TBL1Y: variants seen among roughly 807,000 people sequenced by gnomAD.
The protein encoded by TBL1Y is transducin beta like 1 Y-linked, also known as F-box-like/WD repeat-containing protein TBL1Y.
A neutral mutation model predicts 12.0 loss-of-function variants in TBL1Y; 15 were observed. The observed-to-expected ratio is 1.25, with a 90% CI of 0.83 to 1.92. TBL1Y has a LOEUF of 1.92. TBL1Y is among the 40% of genes most tolerant of loss of function. The probability of loss-of-function intolerance (pLI) is 0.00; values close to 1 mark genes in which losing one functional copy is unlikely to be tolerated. For missense variants in TBL1Y, 148 were observed against 116.7 expected (o/e 1.27, Z -1.24); for synonymous variants, 53 against 42.6 (o/e 1.24, Z -0.95).
intron 7 of TBL1Y, among the ~76,000 whole-genome samples, chrY:7,063,507 C>G: frequency 3.1e-5 from 1 of 32,086 alleles, no homozygotes; most frequent in South Asian, 7.5e-4. Flanking sequence ...CGGAATGAGT[C>G]AGGATGGAGT....
chrY:7,038,153 G>T (rs781313885), intron 6 of TBL1Y, among the ~76,000 whole-genome samples: 1 of 33,140 alleles, frequency 3.0e-5, no homozygotes, highest in East Asian at 8.0e-4. Flanking sequence ...TGCCTCGTTA[G>T]ATGAGATAAA....
chrY:7,067,024 C>T (rs2012991130), intron 8 of TBL1Y, among the ~76,000 whole-genome samples: 1 of 33,509 alleles, frequency 3.0e-5, no homozygotes, highest in Admixed American at 2.7e-4. Context: ...GAAAAGTAGC[C>T]ACTTTCCAGG....
intron 4 of TBL1Y, among the ~76,000 whole-genome samples, chrY:7,000,620 G>A (rs2012441914): frequency 2.9e-5 from 1 of 34,076 alleles, no homozygotes; most frequent in African/African-American, 1.1e-4. Context: ...TTATTTATGA[G>A]GCTGAGTCTC....
chrY:7,029,272 T>A, intron 6 of TBL1Y, among the ~76,000 whole-genome samples: 1 of 32,856 alleles, frequency 3.0e-5, no homozygotes, highest in Non-Finnish European at 7.5e-5. Flanking sequence ...TGTGAAAAGA[T>A]TTTTTGTTTG....
chrY:7,074,021 C>G lies in TBL1Y; in HGVS notation c.895-539C>G. Among the ~76,000 whole-genome samples, 3 of 33,692 alleles carry G rather than the reference C, an allele frequency of 8.9e-5. No homozygotes were observed. The South Asian group carries it at 2.0e-3, about 22-fold the overall frequency. The allele number at this position is 33,692 out of a possible 37,273, so 90.4% of individuals were successfully genotyped here. ...TTTTTAGAAATGACCTTTTATGCAGCCCTGCACTTGGAAAAGTGCCAAAAT... is the reference window on the plus strand; with the variant it reads ...TTTTTAGAAATGACCTTTTATGCAGGCCTGCACTTGGAAAAGTGCCAAAAT... On this transcript the variant is annotated intron_variant, in intron 12 of 18. Coordinates refer to ENST00000383032, the MANE Select transcript of TBL1Y (RefSeq NM_033284.2).
intron 18 of TBL1Y, 37 bp downstream of exon 18, chrY:7,090,227 T>G (rs1197417896): frequency 8.6e-6 from 3 of 350,722 alleles, no homozygotes; most frequent in Middle Eastern, 6.4e-4. Flanking sequence ...GAACAGGGTG[T>G]TGGGGGAGGG....
chrY:6,970,251 G>A, intron 2 of TBL1Y, among the ~76,000 whole-genome samples: 1 of 32,920 alleles, frequency 3.0e-5, no homozygotes, highest in Non-Finnish European at 7.4e-5. Context: ...TTAGAACATG[G>A]CTTGGTGAGC....
At chrY:6,991,587 GA>G in intron 3 of TBL1Y, among the ~76,000 whole-genome samples, 1 of 33,220 alleles carries the variant, frequency 3.0e-5, no homozygotes, top group South Asian at 7.0e-4. Flanking sequence ...CTCATACAGG[GA>G]AAAGGCCATG....
chrY:6,938,438 T>C (rs755664839), intron 2 of TBL1Y, among the ~76,000 whole-genome samples: 1 of 33,784 alleles, frequency 3.0e-5, no homozygotes, highest in Non-Finnish European at 7.4e-5. Context: ...TAGGGGAGAA[T>C]TGGCATCCTT....
At chrY:6,953,296 C>G (rs2124111187) in intron 2 of TBL1Y, among the ~76,000 whole-genome samples, 1 of 33,744 alleles carries the variant, frequency 3.0e-5, no homozygotes, top group Non-Finnish European at 7.3e-5. Flanking sequence ...TCCATTCTCC[C>G]CGTCACTTGC....
chrY:6,935,033 C>CT (rs1323925111), intron 2 of TBL1Y, among the ~76,000 whole-genome samples: 28 of 28,060 alleles, frequency 1.0e-3, no homozygotes, highest in African/African-American at 2.3e-3. Context: ...TTTTCTTTTT[C>CT]TTTTTTTTTT....
At chrY:7,031,705 A>C in intron 6 of TBL1Y, among the ~76,000 whole-genome samples, 1 of 33,733 alleles carries the variant, frequency 3.0e-5, no homozygotes, top group African/African-American at 1.2e-4. Flanking sequence ...ATTCCATCAA[A>C]AGCATGTATG....
chrY:7,022,469 T>G, intron 5 of TBL1Y, among the ~76,000 whole-genome samples: 1 of 33,153 alleles, frequency 3.0e-5, no homozygotes, highest in Non-Finnish European at 7.4e-5. Context: ...GGTATTTGAG[T>G]GTTATTTGAC....
At chrY:7,064,687 A>G (rs553885692) in intron 8 of TBL1Y, among the ~76,000 whole-genome samples, 1 of 33,701 alleles carries the variant, frequency 3.0e-5, no homozygotes, top group Admixed American at 2.7e-4. Context: ...ACTTGGACAT[A>G]CTACTGCTCT....
chrY:6,999,060 A>T, intron 4 of TBL1Y, among the ~76,000 whole-genome samples: 1 of 33,233 alleles, frequency 3.0e-5, no homozygotes, highest in South Asian at 7.0e-4. Context: ...TATGGGTCCA[A>T]GGCACTGGTC....
intron 14 of TBL1Y, among the ~76,000 whole-genome samples, 182 bp from the exon 15 acceptor site, chrY:7,085,716 A>G: frequency 3.1e-5 from 1 of 32,547 alleles, no homozygotes; most frequent in South Asian, 7.3e-4. Flanking sequence ...TACATAAATG[A>G]AAAAGGCAAA....
intron 2 of TBL1Y, among the ~76,000 whole-genome samples, chrY:6,924,389 C>A (rs2011808746): frequency 3.2e-5 from 1 of 31,742 alleles, no homozygotes; most frequent in Non-Finnish European, 7.6e-5. Flanking sequence ...GAGATTGAGA[C>A]CATCCTGGCT....
intron 6 of TBL1Y, among the ~76,000 whole-genome samples, chrY:7,026,632 C>T (rs2012626056): frequency 5.9e-5 from 2 of 33,736 alleles, no homozygotes; most frequent in African/African-American, 2.3e-4. Context: ...GCTTGCTGGT[C>T]CCGAGGGTCC....
intron 4 of TBL1Y, among the ~76,000 whole-genome samples, chrY:6,998,471 T>C: frequency 1.2e-4 from 4 of 32,466 alleles, no homozygotes; most frequent in African/African-American, 4.9e-4. Context: ...CGTGATAGTG[T>C]ATTGCTGTAA....
Sources: gnomAD v4.1 joint callset for allele counts (sites outside exome capture counted in the v4.1 genomes callset) on GRCh38, gnomAD v4.1.1 for gene constraint, MANE v1.5 for transcripts, NCBI Gene and HGNC (gene_info 2026-07-23, HGNC 2026-07-21) for gene names.